Variants in TMEM132D observed in about 807,000 individuals in gnomAD.
The protein encoded by TMEM132D is mature OL transmembrane protein.
Under a neutral mutation model 62.3 loss-of-function variants are expected in TMEM132D, and 21 were observed. That is an observed-to-expected ratio of 0.34 (90% confidence interval 0.24 to 0.49). TMEM132D has a LOEUF of 0.49. TMEM132D is among the 20% of genes least tolerant of loss of function. TMEM132D has a pLI of 0.99. For missense variants in TMEM132D, 1,346 were observed against 1,402.8 expected (o/e 0.96, Z 0.65); for synonymous variants, 621 against 575.6 (o/e 1.08, Z -1.13).
intron 3 of TMEM132D, among the ~76,000 whole-genome samples, chr12:129,452,140 T>C (rs1299144748): frequency 1.3e-5 from 2 of 152,228 alleles, no homozygotes; most frequent in Non-Finnish European, 2.9e-5. Flanking sequence ...ATGATACCTT[T>C]ACACCGTTCC....
At chr12:129,902,730 C>G (rs953267828) in intron 1 of TMEM132D, among the ~76,000 whole-genome samples, 9 of 152,138 alleles carry the variant, frequency 5.9e-5, no homozygotes, top group African/African-American at 2.2e-4. Flanking sequence ...AAACCCATCC[C>G]CCTTCTTCAG....
At chr12:129,110,917 C>T (rs1373869868) in intron 5 of TMEM132D, 1 of 152,360 alleles carries the variant, frequency 6.6e-6, no homozygotes, top group Non-Finnish European at 1.5e-5. Flanking sequence ...AGAGGCAATA[C>T]AGGAGGGCCT....
At chr12:129,515,891 T>C (rs1395497708) in intron 3 of TMEM132D, among the ~76,000 whole-genome samples, 2 of 152,200 alleles carry the variant, frequency 1.3e-5, no homozygotes, top group Non-Finnish European at 2.9e-5. Flanking sequence ...ATGTAAAACC[T>C]TGGTTAAATA....
chr12:129,462,113 GA>G (rs1245553405), intron 3 of TMEM132D, among the ~76,000 whole-genome samples: 1 of 152,172 alleles, frequency 6.6e-6, no homozygotes, highest in African/African-American at 2.4e-5. Context: ...TCTACTGTAA[GA>G]AAAGTCCTTA....
chr12:129,445,699 C>G (rs1873076599), intron 3 of TMEM132D, among the ~76,000 whole-genome samples: 1 of 152,134 alleles, frequency 6.6e-6, no homozygotes, highest in Non-Finnish European at 1.5e-5. Context: ...ACTTCTGTCA[C>G]TTCCATCTTA....
intron 3 of TMEM132D, among the ~76,000 whole-genome samples, chr12:129,341,629 G>C (rs1008943989): frequency 6.6e-6 from 1 of 152,196 alleles, no homozygotes; most frequent in African/African-American, 2.4e-5. Flanking sequence ...TTACTAAACA[G>C]ACCCAGACTT....
At chr12:129,152,852 C>G (rs1490482080) in intron 5 of TMEM132D, among the ~76,000 whole-genome samples, 1 of 152,196 alleles carries the variant, frequency 6.6e-6, no homozygotes, top group East Asian at 1.9e-4. Context: ...CTGGTAGTTT[C>G]AGCCAACAGG....
intron 5 of TMEM132D, among the ~76,000 whole-genome samples, chr12:129,136,975 A>C (rs1876592142): frequency 6.7e-6 from 1 of 149,746 alleles, no homozygotes. Flanking sequence ...CATCATCACC[A>C]TCAACAGCAT....
At chr12:129,508,578 T>C (rs1320304420) in intron 3 of TMEM132D, among the ~76,000 whole-genome samples, 3 of 152,156 alleles carry the variant, frequency 2.0e-5, no homozygotes, top group South Asian at 2.1e-4. Context: ...CTCATGACCG[T>C]AGGAAAATTT....
At chr12:129,249,772 G>T (rs77595515) in intron 4 of TMEM132D, among the ~76,000 whole-genome samples, 3,463 of 152,202 alleles carry the variant, frequency 0.023, 68 homozygotes, top group Non-Finnish European at 0.038. Flanking sequence ...TCACAGAATC[G>T]CTGTGAACAT....
chr12:129,240,578 G>A (rs1879910536), intron 4 of TMEM132D, among the ~76,000 whole-genome samples: 1 of 152,188 alleles, frequency 6.6e-6, no homozygotes, highest in African/African-American at 2.4e-5. Flanking sequence ...CCAGCATGCA[G>A]AATGATTTCT....
chr12:129,762,287 T>A (rs1008772052), intron 1 of TMEM132D, among the ~76,000 whole-genome samples: 6 of 152,186 alleles, frequency 3.9e-5, no homozygotes, highest in Admixed American at 3.3e-4. Context: ...TCAAAACTAA[T>A]TTCCTAGTCC....
At chr12:129,292,975 A>G (rs1232631289) in intron 4 of TMEM132D, among the ~76,000 whole-genome samples, 1 of 152,158 alleles carries the variant, frequency 6.6e-6, no homozygotes, top group African/African-American at 2.4e-5. Flanking sequence ...AAGTAGAGAT[A>G]TTGGTGGATC....
intron 2 of TMEM132D, among the ~76,000 whole-genome samples, chr12:129,647,060 A>G (rs575653478): frequency 1.5e-4 from 23 of 151,794 alleles, no homozygotes; most frequent in Non-Finnish European, 3.1e-4. Flanking sequence ...TCGGCCTCCC[A>G]AAGTGCTGAG....
At chr12:129,677,290 T>C (rs562310369) in intron 2 of TMEM132D, among the ~76,000 whole-genome samples, 5 of 151,840 alleles carry the variant, frequency 3.3e-5, no homozygotes, top group African/African-American at 9.7e-5. Context: ...AAACGAGGAG[T>C]TTCCCTCCAC....
intron 2 of TMEM132D, among the ~76,000 whole-genome samples, chr12:129,614,141 G>A (rs148045094): frequency 7.0e-6 from 1 of 143,544 alleles, no homozygotes; most frequent in Non-Finnish European, 1.5e-5. Context: ...GTACTGTCTG[G>A]AGAACCCAGG....
intron 1 of TMEM132D, among the ~76,000 whole-genome samples, chr12:129,807,373 G>A (rs1226045121): frequency 1.3e-5 from 2 of 152,116 alleles, no homozygotes; most frequent in African/African-American, 4.8e-5. Context: ...TCTCCCCCAG[G>A]TGGCAGCCAC....
intron 2 of TMEM132D, among the ~76,000 whole-genome samples, chr12:129,691,436 T>C (rs1312426942): frequency 6.6e-6 from 1 of 151,896 alleles, no homozygotes; most frequent in East Asian, 1.9e-4. Flanking sequence ...AAAATCCTAC[T>C]CAGGCTAACA....
intron 3 of TMEM132D, among the ~76,000 whole-genome samples, chr12:129,472,531 A>G (rs191776413): frequency 1.5e-3 from 229 of 152,174 alleles, no homozygotes; most frequent in African/African-American, 4.9e-3. Flanking sequence ...GCAAACCACT[A>G]TGGCAGGTGT....
Sources: allele counts gnomAD v4.1 joint callset (sites outside exome capture counted in the v4.1 genomes callset), GRCh38; gene constraint gnomAD v4.1.1; transcripts MANE v1.5; gene names NCBI Gene and HGNC (gene_info 2026-07-23, HGNC 2026-07-21).